The following DMD variants were observed in gnomAD, a reference collection of about 807,000 sequenced individuals.
DMD encodes dystrophin, also known as mutant dystrophin.
A neutral mutation model predicts 330.1 loss-of-function variants in DMD; 63 were observed. That is an observed-to-expected ratio of 0.19 (90% confidence interval 0.16 to 0.24). The LOEUF is 0.24. Ranked by LOEUF, DMD falls within the 10% of genes least tolerant of loss-of-function variation. The pLI, the probability that DMD is intolerant of heterozygous loss-of-function variation, is 1.00. For synonymous variants in DMD, 1,223 were observed against 959.8 expected (o/e 1.27, Z -5.07); for missense variants, 3,344 against 2,684.1 (o/e 1.25, Z -5.43).
At chrX:33,294,357 CT>C (rs1437897280) in intron 1 of DMD, among the ~76,000 whole-genome samples, 2 of 111,281 alleles carry the variant, frequency 1.8e-5, no homozygotes, top group Non-Finnish European at 3.8e-5. Context: ...AGAAGTGTTT[CT>C]CTCCAAAATG....
intron 2 of DMD, among the ~76,000 whole-genome samples, chrX:32,995,033 A>C (rs2093079365): frequency 9.0e-6 from 1 of 111,593 alleles, no homozygotes; most frequent in South Asian, 3.8e-4. Flanking sequence ...GATGGCTTGG[A>C]GGTCAAGGCT....
chrX:32,779,469 T>G (rs912860715), intron 7 of DMD, among the ~76,000 whole-genome samples: 1 of 110,616 alleles, frequency 9.0e-6, no homozygotes, highest in Admixed American at 9.8e-5. Flanking sequence ...CCACTAGCAT[T>G]TAGACATTTT....
chrX:32,910,369 A>G (rs2087117222), intron 2 of DMD, among the ~76,000 whole-genome samples: 1 of 111,731 alleles, frequency 9.0e-6, no homozygotes, highest in Non-Finnish European at 1.9e-5. Flanking sequence ...ATGTGAAGAT[A>G]TGACTGTGGA....
At chrX:32,458,500 A>C (rs1197245951) in intron 25 of DMD, among the ~76,000 whole-genome samples, 5 of 111,011 alleles carry the variant, frequency 4.5e-5, no homozygotes, top group Non-Finnish European at 7.6e-5. Context: ...TTTCCTTTGG[A>C]TATATATCCA....
At chrX:32,668,954 C>A (rs959434417) in intron 9 of DMD, among the ~76,000 whole-genome samples, 3 of 111,004 alleles carry the variant, frequency 2.7e-5, no homozygotes, top group Non-Finnish European at 5.7e-5. Context: ...CCTGAAAAAT[C>A]AACATTTATA....
intron 17 of DMD, among the ~76,000 whole-genome samples, chrX:32,533,817 A>G (rs895330546): frequency 8.9e-5 from 10 of 111,952 alleles, no homozygotes; most frequent in Non-Finnish European, 1.9e-4. Context: ...ACCCTGTGGG[A>G]GGCAATTTAA....
At position 32,484,920 on chromosome X, in the gene DMD, T is replaced by A; in HGVS notation, c.2802A>T (p.Thr934=). The A allele has an allele frequency of 8.3e-7, 1 of 1,211,171 alleles. No individual in the cohort carries two copies. Among genetic ancestry groups the A allele is most frequent in the Non-Finnish European group, 1.1e-6 (1 of 895,006 alleles). Residue 934 remains threonine (T), a splice_region_variant and synonymous_variant, in exon 21 of 79, where the codon ACA becomes ACT. Coordinates refer to ENST00000357033, the MANE Select transcript of DMD (RefSeq NM_004006.3). ...AGCCATTTTAGGCTTTTTACTTACT[T>A]GTCTGTAGCTCTTTCTCTCTGGCCT... ...DVQAREKELQ[T]IFDTLPPMRY... is the part of the protein sequence containing the mutation.
intron 60 of DMD, among the ~76,000 whole-genome samples, chrX:31,404,185 G>T (rs917995410): frequency 5.4e-5 from 6 of 110,957 alleles, no homozygotes; most frequent in African/African-American, 2.0e-4. Flanking sequence ...TCTCAGGGTC[G>T]TATGCCCAAA....
chrX:31,781,343 T>C lies in DMD; in HGVS notation c.7310-7151A>G, dbSNP rs1027922096. Among the ~76,000 whole-genome samples, 5 of 112,353 alleles carry C rather than the reference T, an allele frequency of 4.5e-5. No individual in the cohort carries two copies. In the Admixed American group the frequency reaches 4.7e-4, roughly 11 times the overall value. On this transcript the variant is annotated intron_variant, in intron 50 of 78. Coordinates refer to ENST00000357033, the MANE Select transcript of DMD (RefSeq NM_004006.3). ...TCAGGTATCTTTCTTACATGTCTCA[T>C]TCAATATGCAAGAATTATTAATCAC...
intron 60 of DMD, among the ~76,000 whole-genome samples, chrX:31,390,147 A>C (rs922560490): frequency 4.5e-5 from 5 of 110,493 alleles, no homozygotes; most frequent in African/African-American, 1.6e-4. Context: ...GGAAAAAAAA[A>C]ACAAAAAGCC....
chrX:32,779,531 C>T (rs747909057), intron 7 of DMD, among the ~76,000 whole-genome samples: 2 of 109,623 alleles, frequency 1.8e-5, no homozygotes, highest in Non-Finnish European at 3.8e-5. Flanking sequence ...GATGTTCCCC[C>T]TTCCTGTGTC....
intron 50 of DMD, among the ~76,000 whole-genome samples, chrX:31,775,562 C>T (rs1047495116): frequency 9.0e-6 from 1 of 110,896 alleles, no homozygotes; most frequent in African/African-American, 3.3e-5. Context: ...CATAATATAA[C>T]CAGAAGATTG....
At chrX:32,586,498 T>C (rs2054306113) in intron 13 of DMD, among the ~76,000 whole-genome samples, 1 of 109,264 alleles carries the variant, frequency 9.2e-6, no homozygotes. Flanking sequence ...AACTCATTCA[T>C]GCAAATGCTA....
chrX:32,492,072 G>GCTCAT (rs1248609903), intron 19 of DMD, among the ~76,000 whole-genome samples: 1 of 112,257 alleles, frequency 8.9e-6, no homozygotes, highest in African/African-American at 3.2e-5. Flanking sequence ...GGGCACGGTG[G>GCTCAT]CTCATGCCTA....
At chrX:32,672,332 G>A (rs1260928445) in intron 9 of DMD, among the ~76,000 whole-genome samples, 2 of 110,517 alleles carry the variant, frequency 1.8e-5, no homozygotes, top group Non-Finnish European at 3.8e-5. Context: ...AAAAAATAGA[G>A]CATATTTTCT....
intron 29 of DMD, among the ~76,000 whole-genome samples, chrX:32,417,865 C>A (rs2098172219): frequency 1.8e-5 from 2 of 108,650 alleles, no homozygotes; most frequent in South Asian, 7.9e-4. Context: ...CTCAAAGCTA[C>A]AAATAGCTAG....
chrX:32,635,430 C>G (rs1291559036), intron 11 of DMD, among the ~76,000 whole-genome samples: 1 of 111,581 alleles, frequency 9.0e-6, no homozygotes, highest in Non-Finnish European at 1.9e-5. Flanking sequence ...TTTTTCTCCA[C>G]CTCCTCCACA....
chrX:33,060,047 A>G (rs1242786846), intron 1 of DMD, among the ~76,000 whole-genome samples: 1 of 111,788 alleles, frequency 8.9e-6, no homozygotes, highest in African/African-American at 3.3e-5. Context: ...AGAAAAAATT[A>G]TTCAATGTCA....
At position 32,420,476 on chromosome X, in the gene DMD, A is replaced by G. The variant is rs912579094; in HGVS notation, c.4072-8563T>C. On this transcript the variant is annotated intron_variant, in intron 29 of 78. Transcript: ENST00000357033. ...AGGTTAATTAGCCAAATACAGAAGT[A>G]CCCAAGTGAGAGAGAGCATACTGAG... Among the ~76,000 whole-genome samples the G allele has an allele frequency of 8.9e-5, 10 of 112,175 alleles. 1 individual carries two copies. The highest frequency in any genetic ancestry group is 7.4e-4 in the South Asian group (2 of 2,720).
Sources: gnomAD v4.1 joint callset for allele counts (sites outside exome capture counted in the v4.1 genomes callset) on GRCh38, gnomAD v4.1.1 for gene constraint, MANE v1.5 for transcripts, NCBI Gene and HGNC (gene_info 2026-07-23, HGNC 2026-07-21) for gene names.